Variants in DLGAP2 observed in about 807,000 individuals in gnomAD.
The protein encoded by DLGAP2 is disks large-associated protein 2.
A neutral mutation model predicts 100.3 loss-of-function variants in DLGAP2; 26 were observed. The ratio of observed to expected loss-of-function variants is 0.26; its 90% CI spans 0.19 to 0.36. The LOEUF (loss-of-function observed/expected upper bound fraction) is 0.36. Among genes scored for constraint, DLGAP2 ranks in the 10% least tolerant of loss-of-function variants. The pLI, the probability that DLGAP2 is intolerant of heterozygous loss-of-function variation, is 1.00. For missense variants in DLGAP2, 1,858 were observed against 1,453.2 expected (o/e 1.28, Z -4.53); for synonymous variants, 886 against 630.1 (o/e 1.41, Z -6.08).
intron 6 of DLGAP2, 98 bp from the exon 7 acceptor site, chr8:1,626,642 G>A: frequency 6.8e-7 from 1 of 1,463,312 alleles, no homozygotes; most frequent in East Asian, 2.5e-5. Flanking sequence ...CCCTGTGGTG[G>A]GTGCTCAGCC....
At chr8:1,283,173 C>G (rs1264893878) in intron 3 of DLGAP2, among the ~76,000 whole-genome samples, 1 of 151,020 alleles carries the variant, frequency 6.6e-6, no homozygotes, top group Non-Finnish European at 1.5e-5. Flanking sequence ...GTGGTGTGAC[C>G]TGAACCCAGC....
At chr8:862,488 G>A (rs1188688589) in intron 1 of DLGAP2, among the ~76,000 whole-genome samples, 1 of 152,106 alleles carries the variant, frequency 6.6e-6, no homozygotes, top group Non-Finnish European at 1.5e-5. Flanking sequence ...ATATTTACTA[G>A]AGACGGGATT....
At chr8:1,527,443 C>G (rs760470885) in intron 4 of DLGAP2, among the ~76,000 whole-genome samples, 20 of 152,224 alleles carry the variant, frequency 1.3e-4, no homozygotes, top group Non-Finnish European at 2.5e-4. Flanking sequence ...CAGTGGAAAG[C>G]CATAATAAGT....
chr8:1,330,525 G>A (rs1801128720), intron 3 of DLGAP2, among the ~76,000 whole-genome samples: 1 of 144,096 alleles, frequency 6.9e-6, no homozygotes. Flanking sequence ...ACTGAGTTCT[G>A]GGTGGGACTG....
chr8:1,050,535 G>A (rs899123487), intron 2 of DLGAP2, among the ~76,000 whole-genome samples: 1 of 152,116 alleles, frequency 6.6e-6, no homozygotes, highest in Non-Finnish European at 1.5e-5. Context: ...AGCTCATGAT[G>A]GGTTTATTAG....
chr8:1,526,394 C>T (rs1800794097), intron 4 of DLGAP2, among the ~76,000 whole-genome samples: 1 of 152,026 alleles, frequency 6.6e-6, no homozygotes, highest in African/African-American at 2.4e-5. Flanking sequence ...GGTGGGAATG[C>T]ATGTGGGTCC....
At chr8:767,390 G>A (rs1471981047) in intron 1 of DLGAP2, among the ~76,000 whole-genome samples, 2 of 136,536 alleles carry the variant, frequency 1.5e-5, no homozygotes, top group Middle Eastern at 4.6e-3. Flanking sequence ...TCGGTCTGTC[G>A]CCCATTCTGG....
At chr8:1,144,834 A>G (rs1460168955) in intron 2 of DLGAP2, among the ~76,000 whole-genome samples, 1 of 152,118 alleles carries the variant, frequency 6.6e-6, no homozygotes, top group East Asian at 1.9e-4. Flanking sequence ...GACGGCCTGT[A>G]CCCACAGTCA....
intron 2 of DLGAP2, among the ~76,000 whole-genome samples, chr8:1,180,288 C>A (rs1435445453): frequency 3.3e-5 from 5 of 152,218 alleles, no homozygotes; most frequent in African/African-American, 9.6e-5. Flanking sequence ...AGACGTGGAA[C>A]TCTTCCACAC....
Position 1,350,334 on chromosome 8 carries a change from C to T in DLGAP2, c.106+91451C>T, listed in dbSNP as rs540826351. ...GGGTCCTGAGCGTGCGTGGAAAGGC[C>T]GTGCGGGTCCTGACAGTGTGTGGAA... is the stretch of plus-strand genomic sequence containing the variant. On this transcript the variant is annotated intron_variant, in intron 3 of 14. Coordinates refer to ENST00000637795, the MANE Select transcript of DLGAP2 (RefSeq NM_001346810.2). Among the ~76,000 whole-genome samples, 24 of 92,116 alleles carry T rather than the reference C, an allele frequency of 2.6e-4. 1 individual carries two copies. Among genetic ancestry groups the T allele is most frequent in the African/African-American group, 8.9e-4 (23 of 25,858 alleles). The allele number at this position is 92,116 out of a possible 152,430, so 60.4% of individuals were successfully genotyped here.
chr8:790,958 G>C (rs1049252982), intron 1 of DLGAP2, among the ~76,000 whole-genome samples: 1 of 152,036 alleles, frequency 6.6e-6, no homozygotes, highest in Non-Finnish European at 1.5e-5. Context: ...GCCCAAGGTG[G>C]TCTAGAACCC....
At chr8:1,669,895 C>T (rs1317258875) in intron 10 of DLGAP2, 111 bp downstream of exon 10, 1 of 741,794 alleles carries the variant, frequency 1.3e-6, no homozygotes, top group South Asian at 1.5e-5. Flanking sequence ...TTCTATGTGC[C>T]AGGCACTATG....
At position 1,232,790 on chromosome 8, in the gene DLGAP2, T is replaced by C. The variant is rs34866202; in HGVS notation, c.74-26061T>C. 2.6e-5 allele frequency among the ~76,000 whole-genome samples: 4 copies of C among 152,082 alleles called. 1 individual carries two copies. The South Asian group carries it at 8.3e-4, about 32-fold the overall frequency. ...CACTAACTTTTTTGAGTAACTTTAT[T>C]GAAGTGTAGTAAACGTATCGCAAGG... is the stretch of plus-strand genomic sequence containing the variant. On this transcript the variant is annotated intron_variant, in intron 2 of 14. Coordinates refer to ENST00000637795, the MANE Select transcript of DLGAP2 (RefSeq NM_001346810.2).
chr8:1,622,998 G>T (rs1035106797), intron 6 of DLGAP2, among the ~76,000 whole-genome samples: 4 of 152,308 alleles, frequency 2.6e-5, no homozygotes, highest in African/African-American at 9.6e-5. Flanking sequence ...CCTAGTTCTT[G>T]AGTTTTGATC....
At chr8:1,041,140 T>A (rs1030151898) in intron 2 of DLGAP2, among the ~76,000 whole-genome samples, 1 of 152,184 alleles carries the variant, frequency 6.6e-6, no homozygotes, top group Non-Finnish European at 1.5e-5. Flanking sequence ...TAATTTTAAA[T>A]AACAGTTAAA....
At chr8:987,527 T>C (rs1162626509) in intron 2 of DLGAP2, among the ~76,000 whole-genome samples, 1 of 152,144 alleles carries the variant, frequency 6.6e-6, no homozygotes, top group Non-Finnish European at 1.5e-5. Context: ...CCTTGTCCAT[T>C]TTCCAGCCTC....
At chr8:1,425,623 A>C (rs543571345) in intron 3 of DLGAP2, among the ~76,000 whole-genome samples, 1 of 152,188 alleles carries the variant, frequency 6.6e-6, no homozygotes, top group Non-Finnish European at 1.5e-5. Context: ...CATGATCCAC[A>C]TGGTCTTCCA....
intron 1 of DLGAP2, among the ~76,000 whole-genome samples, chr8:880,860 A>G (rs919411436): frequency 6.6e-6 from 1 of 152,200 alleles, no homozygotes; most frequent in African/African-American, 2.4e-5. Flanking sequence ...CCTCCCTCCT[A>G]AATTAGGGTG....
At chr8:1,018,346 A>C (rs1330912567) in intron 2 of DLGAP2, among the ~76,000 whole-genome samples, 2 of 152,228 alleles carry the variant, frequency 1.3e-5, no homozygotes, top group Non-Finnish European at 2.9e-5. Context: ...TGATTTGACC[A>C]CAGCATGTTT....
Sources: gnomAD v4.1 joint callset for allele counts (sites outside exome capture counted in the v4.1 genomes callset) on GRCh38, gnomAD v4.1.1 for gene constraint, MANE v1.5 for transcripts, NCBI Gene and HGNC (gene_info 2026-07-23, HGNC 2026-07-21) for gene names.